Variants in DENND4C observed in about 807,000 individuals in gnomAD.
DENND4C encodes the protein DENN domain containing 4C, also known as DENN domain-containing protein 4C.
In DENND4C, 108 loss-of-function variants were observed where a neutral mutation model predicts 203.0. The observed-to-expected ratio is 0.53, with a 90% CI of 0.46 to 0.62. The LOEUF is 0.62. DENND4C is among the 20% of genes least tolerant of loss of function. The pLI is 0.00. For missense variants in DENND4C, 2,481 were observed against 2,301.2 expected (o/e 1.08, Z -1.60); for synonymous variants, 871 against 792.4 (o/e 1.10, Z -1.67).
At chr9:19,308,727 T>C (rs1288701400) in intron 10 of DENND4C, among the ~76,000 whole-genome samples, 7 of 152,200 alleles carry the variant, frequency 4.6e-5, no homozygotes. Flanking sequence ...TATGAGATAT[T>C]TTGCCTTGAG....
chr9:19,232,837 G>A (rs138506867), intron 1 of DENND4C, among the ~76,000 whole-genome samples: 156 of 152,264 alleles, frequency 1.0e-3, no homozygotes, highest in African/African-American at 3.7e-3. Context: ...CTATACACAA[G>A]GGATTTTACA....
At chr9:19,288,356 A>G (rs1366794942) in intron 3 of DENND4C, among the ~76,000 whole-genome samples, 1 of 152,202 alleles carries the variant, frequency 6.6e-6, no homozygotes, top group Non-Finnish European at 1.5e-5. Context: ...TGATTGTGAA[A>G]TTCTAAATCT....
chr9:19,332,163 A>G lies in DENND4C; in HGVS notation c.2439A>G (p.Thr813=). ...AYDVLIKMRK[T]DVDPLDEVCY... ...ATGTACTTATTAAGATGAGGAAAACAGATGTGGATCCCTTAGATGAGGCAA... is the reference window on the plus strand; with the variant it reads ...ATGTACTTATTAAGATGAGGAAAACGGATGTGGATCCCTTAGATGAGGCAA... The change falls in exon 17 of 33, where the codon ACA becomes ACG. Residue 813 remains threonine, a synonymous_variant. Coordinates refer to ENST00000434457, the MANE Select transcript of DENND4C (RefSeq NM_001330640.2). 2 of 1,613,988 alleles carry G rather than the reference A, an allele frequency of 1.2e-6. No individual in the cohort carries two copies. Among genetic ancestry groups the G allele is most frequent in the Admixed American group, 3.3e-5 (2 of 60,022 alleles).
intron 12 of DENND4C, among the ~76,000 whole-genome samples, chr9:19,319,328 A>ATATATATACACATATATATATACT (rs1842403478): frequency 3.5e-5 from 1 of 28,682 alleles, no homozygotes; most frequent in Non-Finnish European, 8.9e-5. Flanking sequence ...ATATATATAC[A>ATATATATACACATATATATATACT]TATATATACA....
intron 1 of DENND4C, among the ~76,000 whole-genome samples, chr9:19,256,646 C>T (rs982798204): frequency 6.6e-6 from 1 of 151,842 alleles, no homozygotes; most frequent in African/African-American, 2.4e-5. Context: ...TTTTTTTACT[C>T]TTTAAAATTA....
At chr9:19,265,536 G>A (rs1041536026) in intron 1 of DENND4C, among the ~76,000 whole-genome samples, 4 of 151,934 alleles carry the variant, frequency 2.6e-5, no homozygotes, top group Non-Finnish European at 5.9e-5. Context: ...CATGTGCCAT[G>A]TTGGTGTGCT....
Position 19,300,258 on chromosome 9 carries a change from T to C in DENND4C, c.1238T>C (p.Leu413Ser). The C allele has an allele frequency of 6.2e-7, 1 of 1,612,830 alleles. No individual in the cohort carries two copies. Among genetic ancestry groups the C allele is most frequent in the South Asian group, 1.1e-5 (1 of 90,896 alleles). The change falls in exon 9 of 33, where the codon TTA becomes TCA. Residue 413 changes from leucine to serine, a missense_variant. Coordinates refer to ENST00000434457, the MANE Select transcript of DENND4C (RefSeq NM_001330640.2). ...TGTGCAACACTGCTGCTCTTTGTTT[T>C]ACTTGAGAGTAAAATTCTGCTGCAT... ...ENCATLLLFVLLESKILLHSL... is the reference protein window; with the variant it reads ...ENCATLLLFVSLESKILLHSL...
chr9:19,254,501 T>C (rs1328955872), intron 1 of DENND4C, among the ~76,000 whole-genome samples: 1 of 152,272 alleles, frequency 6.6e-6, no homozygotes, highest in Non-Finnish European at 1.5e-5. Context: ...AAGACAAATA[T>C]TGTATAGTCT....
chr9:19,306,745 GTATTTATTTATTTATT>G lies in DENND4C; in HGVS notation c.1487+1252_1487+1267del, dbSNP rs59616787. ...ATAAATGTGAAGTGTTTGCACAATT[GTATTTATTTATTTATT>G]TATTTATTTATTTATTTATTTATTT... On this transcript the variant is annotated intron_variant, in intron 10 of 32. Coordinates refer to ENST00000434457, the MANE Select transcript of DENND4C (RefSeq NM_001330640.2). Among the ~76,000 whole-genome samples the G allele has an allele frequency of 7.9e-3, 1,124 of 142,312 alleles. 13 individuals are homozygous for G. The highest frequency in any genetic ancestry group is 0.026 in the African/African-American group (1,002 of 38,872). The allele number at this position is 142,312 out of a possible 152,430, so 93.4% of individuals were successfully genotyped here. A position where few individuals can be genotyped will look rare whatever the true frequency, so the allele number is the denominator to read the frequency against.
intron 9 of DENND4C, among the ~76,000 whole-genome samples, chr9:19,302,470 C>T (rs1449777701): frequency 3.3e-5 from 5 of 152,296 alleles, no homozygotes; most frequent in Admixed American, 1.3e-4. Context: ...AGATAGTTGT[C>T]ACTCAAGGAA....
At chr9:19,285,250 A>G (rs1420774847) in intron 2 of DENND4C, among the ~76,000 whole-genome samples, 1 of 152,130 alleles carries the variant, frequency 6.6e-6, no homozygotes. Flanking sequence ...TGATTTAAAT[A>G]AAGAGGCTTT....
intron 1 of DENND4C, among the ~76,000 whole-genome samples, chr9:19,261,084 T>C (rs995577086): frequency 2.6e-5 from 4 of 152,146 alleles, no homozygotes; most frequent in Non-Finnish European, 4.4e-5. Context: ...CATATTGATA[T>C]CTAGTTTTCC....
intron 1 of DENND4C, among the ~76,000 whole-genome samples, chr9:19,269,773 T>G (rs1831253710): frequency 6.6e-6 from 1 of 152,170 alleles, no homozygotes. Flanking sequence ...TTTAGTTTGT[T>G]TGGTGAGGTC....
intron 1 of DENND4C, among the ~76,000 whole-genome samples, chr9:19,258,972 TG>T (rs1440801594): frequency 3.3e-5 from 5 of 152,082 alleles, no homozygotes; most frequent in Non-Finnish European, 7.3e-5. Context: ...TAAGTTTTTA[TG>T]GGTACATAGT....
At chr9:19,244,799 A>G (rs748715566) in intron 1 of DENND4C, among the ~76,000 whole-genome samples, 4 of 151,794 alleles carry the variant, frequency 2.6e-5, no homozygotes, top group African/African-American at 7.3e-5. Context: ...AACTTTATGT[A>G]TAACCTGGGA....
chr9:19,244,394 G>A (rs917450703), intron 1 of DENND4C, among the ~76,000 whole-genome samples: 1 of 151,780 alleles, frequency 6.6e-6, no homozygotes, highest in African/African-American at 2.4e-5. Context: ...GTATATTTTA[G>A]TATTCCATTT....
chr9:19,319,976 ATGT>A (rs1842608172), intron 12 of DENND4C, among the ~76,000 whole-genome samples: 1 of 152,114 alleles, frequency 6.6e-6, no homozygotes, highest in Non-Finnish European at 1.5e-5. Flanking sequence ...ATTTATCCTT[ATGT>A]TGTTATTTAC....
intron 2 of DENND4C, 118 bp downstream of exon 2, chr9:19,276,597 T>C (rs1047025396): frequency 1.8e-6 from 1 of 569,672 alleles, no homozygotes; most frequent in Non-Finnish European, 2.6e-6. Context: ...TTATTATTGA[T>C]AGTTTTATGG....
At chr9:19,265,016 A>T (rs2130722906) in intron 1 of DENND4C, among the ~76,000 whole-genome samples, 1 of 151,972 alleles carries the variant, frequency 6.6e-6, no homozygotes, top group East Asian at 1.9e-4. Context: ...GAAATTTTAA[A>T]ATTTTCTTTC....
Sources: allele counts gnomAD v4.1 joint callset (sites outside exome capture counted in the v4.1 genomes callset), GRCh38; gene constraint gnomAD v4.1.1; transcripts MANE v1.5; gene names NCBI Gene and HGNC (gene_info 2026-07-23, HGNC 2026-07-21).